The following PTPRN2 variants were observed in gnomAD, a reference collection of about 807,000 sequenced individuals.
PTPRN2 encodes receptor-type tyrosine-protein phosphatase N2.
PTPRN2 carries 74 observed loss-of-function variants against 118.8 expected under a neutral mutation model. The ratio of observed to expected loss-of-function variants is 0.62; its 90% CI spans 0.52 to 0.76. The LOEUF (loss-of-function observed/expected upper bound fraction) is 0.76, where lower values mean the gene tolerates loss of function less well. PTPRN2 is among the 30% of genes least tolerant of loss of function. The probability of loss-of-function intolerance (pLI) is 0.00; values close to 1 mark genes in which losing one functional copy is unlikely to be tolerated. For missense variants in PTPRN2, 1,481 were observed against 1,394.4 expected (o/e 1.06, Z -0.99); for synonymous variants, 641 against 608.0 (o/e 1.05, Z -0.80).
intron 11 of PTPRN2, among the ~76,000 whole-genome samples, chr7:158,014,110 C>G (rs1263245377): frequency 1.0e-5 from 1 of 99,102 alleles, no homozygotes; most frequent in Admixed American, 1.1e-4. Context: ...CCATCTATCC[C>G]TCTATCCATC....
At chr7:158,508,610 C>T (rs201467550) in intron 1 of PTPRN2, among the ~76,000 whole-genome samples, 3 of 150,254 alleles carry the variant, frequency 2.0e-5, no homozygotes, top group Admixed American at 1.3e-4. Flanking sequence ...GTCGGGGCAA[C>T]GTGGGACGCT....
At chr7:158,291,863 A>C (rs994729647) in intron 3 of PTPRN2, among the ~76,000 whole-genome samples, 1 of 152,230 alleles carries the variant, frequency 6.6e-6, no homozygotes, top group East Asian at 1.9e-4. Flanking sequence ...GAGAGAGATG[A>C]AAGAGGGAGA....
chr7:157,551,662 C>T (rs1460620226), intron 21 of PTPRN2, among the ~76,000 whole-genome samples: 1 of 137,898 alleles, frequency 7.3e-6, no homozygotes, highest in Non-Finnish European at 1.6e-5. Flanking sequence ...AGCCATCACA[C>T]ACCCCACGGG....
At chr7:158,318,816 G>A (rs1032194689) in intron 2 of PTPRN2, among the ~76,000 whole-genome samples, 2 of 152,230 alleles carry the variant, frequency 1.3e-5, no homozygotes, top group Non-Finnish European at 2.9e-5. Flanking sequence ...GCCCCACTCG[G>A]CCACTCCGGG....
At chr7:158,288,439 A>G (rs1225953645) in intron 3 of PTPRN2, among the ~76,000 whole-genome samples, 1 of 151,964 alleles carries the variant, frequency 6.6e-6, no homozygotes. Context: ...CTTACTTTCT[A>G]TCTTTGGCAT....
At chr7:158,140,698 C>G (rs1298064650) in intron 6 of PTPRN2, among the ~76,000 whole-genome samples, 1 of 152,236 alleles carries the variant, frequency 6.6e-6, no homozygotes, top group Non-Finnish European at 1.5e-5. Flanking sequence ...CAGGAGGAAG[C>G]GTCGGGTGTG....
intron 12 of PTPRN2, among the ~76,000 whole-genome samples, chr7:157,740,651 A>G (rs1377045793): frequency 6.6e-6 from 1 of 152,170 alleles, no homozygotes; most frequent in African/African-American, 2.4e-5. Flanking sequence ...GGCTCCAAGG[A>G]GTGGCGGGAG....
chr7:158,094,378 C>T (rs747658441), intron 10 of PTPRN2, among the ~76,000 whole-genome samples: 1 of 152,132 alleles, frequency 6.6e-6, no homozygotes, highest in African/African-American at 2.4e-5. Context: ...GGCGTGATCT[C>T]GGCTCACTGC....
At chr7:157,901,873 TC>T (rs1797474749) in intron 11 of PTPRN2, among the ~76,000 whole-genome samples, 1 of 135,520 alleles carries the variant, frequency 7.4e-6, no homozygotes, top group Non-Finnish European at 1.5e-5. Flanking sequence ...GTTTCCTGGG[TC>T]CTGAGGCGGG....
chr7:158,167,317 G>C, intron 5 of PTPRN2, 26 bp from the exon 6 acceptor site: 5 of 1,550,252 alleles, frequency 3.2e-6, no homozygotes, highest in Non-Finnish European at 4.4e-6. Flanking sequence ...GCAAAACAGA[G>C]CAAGAGTCAC....
chr7:158,392,236 G>A (rs1039466773), intron 2 of PTPRN2, among the ~76,000 whole-genome samples: 8 of 152,172 alleles, frequency 5.3e-5, no homozygotes, highest in South Asian at 2.1e-4. Flanking sequence ...CAAACTCCCC[G>A]AGGAGGAGAG....
chr7:158,136,844 TTC>T, intron 7 of PTPRN2, 149 bp from the exon 8 acceptor site: 1 of 721,780 alleles, frequency 1.4e-6, no homozygotes. Context: ...AGTAAACCTT[TTC>T]TGTTTATAGC....
At chr7:158,491,225 G>A (rs1198329481) in intron 1 of PTPRN2, among the ~76,000 whole-genome samples, 3 of 152,172 alleles carry the variant, frequency 2.0e-5, no homozygotes, top group Admixed American at 6.5e-5. Context: ...AGGCAGCCTC[G>A]CTCGTCTCAC....
chr7:158,257,102 T>A (rs1046210483), intron 3 of PTPRN2, among the ~76,000 whole-genome samples: 21 of 152,132 alleles, frequency 1.4e-4, no homozygotes, highest in Admixed American at 1.2e-3. Context: ...GAAATGGAGT[T>A]GAATGAGGGA....
chr7:158,326,929 A>G (rs1314344369), intron 2 of PTPRN2, among the ~76,000 whole-genome samples: 2 of 151,016 alleles, frequency 1.3e-5, no homozygotes, highest in East Asian at 3.9e-4. Flanking sequence ...ACGTTCTCAC[A>G]TGCACACATA....
intron 11 of PTPRN2, among the ~76,000 whole-genome samples, chr7:158,071,695 T>TCG (rs1563392910): frequency 3.7e-4 from 44 of 119,666 alleles, no homozygotes; most frequent in African/African-American, 8.7e-4. Flanking sequence ...GTGGAGGTGC[T>TCG]TGTGGTGGAG....
At chr7:158,162,649 G>A (rs73173650) in intron 6 of PTPRN2, among the ~76,000 whole-genome samples, 17,463 of 152,034 alleles carry the variant, frequency 0.11, 1,083 homozygotes, top group African/African-American at 0.16. Context: ...GCCACTGCAC[G>A]TCACCTGTTG....
At chr7:158,418,037 T>A (rs867921103) in intron 2 of PTPRN2, among the ~76,000 whole-genome samples, 6 of 150,620 alleles carry the variant, frequency 4.0e-5, no homozygotes, top group Non-Finnish European at 7.4e-5. Flanking sequence ...AGTGTCCCGC[T>A]GTGTTAAGTC....
chr7:158,267,317 A>C (rs980123837), intron 3 of PTPRN2, among the ~76,000 whole-genome samples: 1 of 87,724 alleles, frequency 1.1e-5, no homozygotes, highest in Admixed American at 1.0e-4. Flanking sequence ...CCCGCGGGGA[A>C]CCCCGGGGGC....
Sources: allele counts gnomAD v4.1 joint callset (sites outside exome capture counted in the v4.1 genomes callset), GRCh38; gene constraint gnomAD v4.1.1; transcripts MANE v1.5; gene names NCBI Gene and HGNC (gene_info 2026-07-23, HGNC 2026-07-21).